MAP2K5: variants seen among roughly 807,000 people sequenced by gnomAD.
The protein encoded by MAP2K5 is dual specificity mitogen-activated protein kinase kinase 5.
MAP2K5 carries 49 observed loss-of-function variants against 83.1 expected under a neutral mutation model. The observed-to-expected ratio is 0.59, with a 90% CI of 0.47 to 0.75. The LOEUF (loss-of-function observed/expected upper bound fraction) is 0.75, where lower values mean the gene tolerates loss of function less well. Ranked by LOEUF, MAP2K5 falls within the 30% of genes least tolerant of loss-of-function variation. The probability of loss-of-function intolerance (pLI) is 0.00; values close to 1 mark genes in which losing one functional copy is unlikely to be tolerated. For missense variants in MAP2K5, 457 were observed against 557.5 expected (o/e 0.82, Z 1.82); for synonymous variants, 202 against 191.8 (o/e 1.05, Z -0.44).
intron 8 of MAP2K5, among the ~76,000 whole-genome samples, chr15:67,613,245 C>T (rs61664255): frequency 1.3e-5 from 2 of 152,292 alleles, no homozygotes; most frequent in East Asian, 1.9e-4. Flanking sequence ...GTGCAGAAAA[C>T]TTAAAAGACT....
At chr15:67,626,022 C>G (rs1022347720) in intron 8 of MAP2K5, among the ~76,000 whole-genome samples, 2 of 152,118 alleles carry the variant, frequency 1.3e-5, no homozygotes, top group African/African-American at 4.8e-5. Context: ...CAACACTGAT[C>G]TTTTTACAAC....
chr15:67,564,480 A>G (rs1051675612), intron 3 of MAP2K5, among the ~76,000 whole-genome samples: 2 of 152,228 alleles, frequency 1.3e-5, no homozygotes, highest in African/African-American at 4.8e-5. Context: ...TGAAAACTGT[A>G]AACTGTCTGT....
rs1024821400 is a variant in MAP2K5, at chr15:67,778,105, T to C, written c.1242+5353T>C. On this transcript the variant is annotated intron_variant, in intron 21 of 21. Transcript: ENST00000178640. This position sits in a 1 kb window ranked among gnomAD's most constrained non-coding sequence, Gnocchi z 5.0. Reference sequence around the variant, plus strand: ...CTTTATGTATAAGAGGTGGTAATGTTTGGGGGCTAATAAACACCAAACTGC... The same window carrying C: ...CTTTATGTATAAGAGGTGGTAATGTCTGGGGGCTAATAAACACCAAACTGC... Among the ~76,000 whole-genome samples, 6 of 152,188 alleles carry C rather than the reference T, an allele frequency of 3.9e-5. No homozygotes were observed. Among genetic ancestry groups the C allele is most frequent in the Admixed American group, 6.5e-5 (1 of 15,278 alleles).
rs3784710 is a variant in MAP2K5, at chr15:67,780,120, T to C, written c.1242+7368T>C. Among the ~76,000 whole-genome samples, 46,496 of 151,904 alleles carry C rather than the reference T, an allele frequency of 0.31. 8,184 individuals carry two copies. Among genetic ancestry groups the C allele is most frequent in the East Asian group, 0.59 (3,024 of 5,164 alleles). On this transcript the variant is annotated intron_variant, in intron 21 of 21. Transcript: ENST00000178640. The surrounding 1 kb of genome is among the most constrained non-coding windows in gnomAD (Gnocchi z 5.0). ...TAGGTTGGAACAGCATTTAATTATA[T>C]ATTCATCTTATGGCCACAAGTTAGT... is the stretch of plus-strand genomic sequence containing the variant.
intron 17 of MAP2K5, among the ~76,000 whole-genome samples, chr15:67,729,737 C>G (rs2089180211): frequency 6.6e-6 from 1 of 152,082 alleles, no homozygotes; most frequent in South Asian, 2.1e-4. Context: ...GCACTCCAGC[C>G]TGGGCAACAG....
intron 17 of MAP2K5, 152 bp downstream of exon 17, chr15:67,728,097 C>G: frequency 1.4e-6 from 1 of 725,016 alleles, no homozygotes; most frequent in Non-Finnish European, 2.4e-6. Flanking sequence ...TTAGAAATCT[C>G]TATTGATTTT....
chr15:67,623,603 T>TC (rs2086237865), intron 8 of MAP2K5, among the ~76,000 whole-genome samples: 1 of 151,422 alleles, frequency 6.6e-6, no homozygotes, highest in African/African-American at 2.4e-5. Context: ...TCTTCCTTTT[T>TC]TTTTTTTTTA....
rs999379272 is a variant in MAP2K5, at chr15:67,549,380, A to G, written c.136-654A>G. Among the ~76,000 whole-genome samples, 15 of 152,280 alleles carry G rather than the reference A, an allele frequency of 9.9e-5. No homozygotes were observed. The East Asian group carries it at 2.5e-3, about 25-fold the overall frequency. ...TCATTAAGTATGTTTTCTGTTGCTT[A>G]AGAGTAAAGGTTGATAAGAACTGTT... On this transcript the variant is annotated intron_variant, in intron 1 of 21. Coordinates refer to ENST00000178640, the MANE Select transcript of MAP2K5 (RefSeq NM_145160.3).
intron 13 of MAP2K5, among the ~76,000 whole-genome samples, chr15:67,673,832 G>A (rs2087609457): frequency 6.6e-6 from 1 of 151,916 alleles, no homozygotes; most frequent in Admixed American, 6.6e-5. Flanking sequence ...TTTGCTTTCT[G>A]GAGGATCAGT....
intron 4 of MAP2K5, among the ~76,000 whole-genome samples, chr15:67,581,066 A>G (rs2085170873): frequency 6.6e-6 from 1 of 152,220 alleles, no homozygotes; most frequent in Admixed American, 6.5e-5. Context: ...ACATACTTAC[A>G]TTAGCTTAAA....
intron 17 of MAP2K5, among the ~76,000 whole-genome samples, chr15:67,735,949 TACTCAA>T (rs2089330669): frequency 6.6e-6 from 1 of 152,290 alleles, no homozygotes; most frequent in South Asian, 2.1e-4. Flanking sequence ...ATGTGCTAGG[TACTCAA>T]GTCCAAAGGA....
rs545970041 is a variant in MAP2K5 at position 67,782,481 on chromosome 15, C to G, written c.1242+9729C>G. On this transcript the variant is annotated intron_variant, in intron 21 of 21. Coordinates refer to ENST00000178640, the MANE Select transcript of MAP2K5 (RefSeq NM_145160.3). This position sits in a 1 kb window ranked among gnomAD's most constrained non-coding sequence, Gnocchi z 4.9. ...ATACTGGAAGGCTAAATATTTCATA[C>G]AGCCTGATTTTAGTTAATTTTTTTT... 3.8e-4 allele frequency among the ~76,000 whole-genome samples: 58 copies of G among 152,324 alleles called. No individual in the cohort carries two copies. The highest frequency in any genetic ancestry group is 1.4e-3 in the African/African-American group (57 of 41,568).
Position 67,794,137 on chromosome 15 carries a change from A to G in MAP2K5, c.1243-12509A>G, listed in dbSNP as rs1438884483. Among the ~76,000 whole-genome samples the G allele has an allele frequency of 1.3e-5, 2 of 152,240 alleles. No homozygotes were observed. The highest frequency in any genetic ancestry group is 1.9e-4 in the East Asian group (1 of 5,204). ...GCTCCCTCAGTCATTCATTCTGCCC[A>G]TGACCAGTGACACCACCTTGGAAAA... On this transcript the variant is annotated intron_variant, in intron 21 of 21. Transcript: ENST00000178640. The surrounding 1 kb of genome is among the most constrained non-coding windows in gnomAD (Gnocchi z 4.6).
rs965064809 is a variant in MAP2K5, at chr15:67,561,523, A to G, written c.185-1760A>G. 2.0e-5 allele frequency among the ~76,000 whole-genome samples: 3 copies of G among 152,230 alleles called. No individual in the cohort carries two copies. Among genetic ancestry groups the G allele is most frequent in the Non-Finnish European group, 4.4e-5 (3 of 68,036 alleles). ...TTACTCTGAAAACAGGCAACTCTTG[A>G]TAGCAGAATACTGGTAGTGACTCTC... On this transcript the variant is annotated intron_variant, in intron 2 of 21. Coordinates refer to ENST00000178640, the MANE Select transcript of MAP2K5 (RefSeq NM_145160.3). This position sits in a 1 kb window ranked among gnomAD's most constrained non-coding sequence, Gnocchi z 4.2.
Position 67,590,442 on chromosome 15 carries a change from C to CT in MAP2K5, c.432-2484_432-2483insT, listed in dbSNP as rs2085377738. Among the ~76,000 whole-genome samples, 9 of 5,836 alleles carry CT rather than the reference C, an allele frequency of 1.5e-3. 1 individual carries two copies. The highest frequency in any genetic ancestry group is 3.0e-3 in the African/African-American group (8 of 2,658). 3.8% of individuals were successfully genotyped at this position (5,836 alleles called of 152,430 possible). A position where few individuals can be genotyped will look rare whatever the true frequency, so the allele number is the denominator to read the frequency against. On this transcript the variant is annotated intron_variant, in intron 6 of 21. Transcript: ENST00000178640. ...CCCTCCCTCCCTCTCTCTCTCCCTC[C>CT]CTCCCTCTCTCTCTCTCTCTCTCTC...
At position 67,576,073 on chromosome 15, in the gene MAP2K5, C is replaced by T. The variant is rs960073784; in HGVS notation, c.253-4681C>T. 3.2e-4 allele frequency among the ~76,000 whole-genome samples: 47 copies of T among 145,648 alleles called. 2 individuals are homozygous for T. The highest frequency in any genetic ancestry group is 1.0e-3 in the African/African-American group (42 of 40,118). On this transcript the variant is annotated intron_variant, in intron 3 of 21. Transcript: ENST00000178640. ...CTGGGATTACAGGTGCACACCACCA[C>T]GCCTGGCTAATTTTTATATTTTTAG...
At position 67,665,867 on chromosome 15, in the gene MAP2K5, C is replaced by A. The variant is rs1167460726; in HGVS notation, c.847+1222C>A. Among the ~76,000 whole-genome samples, 1 of 151,992 alleles carries A rather than the reference C, an allele frequency of 6.6e-6. No individual in the cohort carries two copies. Among genetic ancestry groups the A allele is most frequent in the African/African-American group, 2.4e-5 (1 of 41,388 alleles). ...ATTTGGTGGATGAAAAAAAATTGAA[C>A]ATTTTTGACTACCAAGAGTAAGAGA... On this transcript the variant is annotated intron_variant, in intron 13 of 21. Coordinates refer to ENST00000178640, the MANE Select transcript of MAP2K5 (RefSeq NM_145160.3). The surrounding 1 kb of genome is among the most constrained non-coding windows in gnomAD (Gnocchi z 4.2).
At chr15:67,669,789 T>C (rs1281731061) in intron 13 of MAP2K5, among the ~76,000 whole-genome samples, 1 of 6,898 alleles carries the variant, frequency 1.4e-4, no homozygotes, top group Admixed American at 4.0e-3. Flanking sequence ...TGAAAAGAGA[T>C]AACAACAAAA....
At chr15:67,649,779 T>G (rs946072052) in intron 11 of MAP2K5, among the ~76,000 whole-genome samples, 1 of 152,194 alleles carries the variant, frequency 6.6e-6, no homozygotes. Flanking sequence ...AATCGAGAAG[T>G]GTAAGTGCTC....
Sources: allele counts gnomAD v4.1 joint callset (sites outside exome capture counted in the v4.1 genomes callset), GRCh38; gene constraint gnomAD v4.1.1; non-coding constraint Gnocchi (gnomAD v3.1); transcripts MANE v1.5; gene names NCBI Gene and HGNC (gene_info 2026-07-23, HGNC 2026-07-21).